The following ARMC9 variants were observed in gnomAD, a reference collection of about 807,000 sequenced individuals.
The protein encoded by ARMC9 is lisH domain-containing protein ARMC9.
A neutral mutation model predicts 107.0 loss-of-function variants in ARMC9; 94 were observed. The ratio of observed to expected loss-of-function variants is 0.88; its 90% CI spans 0.74 to 1.04. The LOEUF is 1.04. Ranked by LOEUF, ARMC9 falls within the 50% of genes least tolerant of loss-of-function variation. The pLI, the probability that ARMC9 is intolerant of heterozygous loss-of-function variation, is 0.00. For synonymous variants in ARMC9, 380 were observed against 396.9 expected, an observed-to-expected ratio of 0.96 and a Z score of 0.51; for missense variants, 942 against 1,030.1, an observed-to-expected ratio of 0.91 and a Z score of 1.17.
intron 1 of ARMC9, among the ~76,000 whole-genome samples, chr2:231,205,926 GCCTCCGTCTGCCCC>G (rs965131523): frequency 6.6e-6 from 1 of 152,142 alleles, no homozygotes; most frequent in Non-Finnish European, 1.5e-5. Context: ...TGACCCTCTT[GCCTCCGTCTGCCCC>G]CCTCCCTCTG....
intron 20 of ARMC9, among the ~76,000 whole-genome samples, chr2:231,343,193 G>A (rs1387557042): frequency 3.3e-5 from 5 of 151,896 alleles, no homozygotes; most frequent in African/African-American, 1.2e-4. Flanking sequence ...GATTACAGGT[G>A]TGAGCCACTG....
intron 10 of ARMC9, among the ~76,000 whole-genome samples, chr2:231,258,258 T>G (rs1349092459): frequency 6.6e-6 from 1 of 152,166 alleles, no homozygotes; most frequent in Non-Finnish European, 1.5e-5. Flanking sequence ...CTCGGCTCAC[T>G]GCAGCCTCTG....
chr2:231,280,445 G>A (rs549566451), intron 16 of ARMC9, among the ~76,000 whole-genome samples: 28 of 152,172 alleles, frequency 1.8e-4, no homozygotes, highest in African/African-American at 6.3e-4. Flanking sequence ...GTGACAGAGC[G>A]AGACTCTGTC....
At chr2:231,340,467 C>T (rs1168391593) in intron 20 of ARMC9, among the ~76,000 whole-genome samples, 2 of 152,176 alleles carry the variant, frequency 1.3e-5, no homozygotes, top group Non-Finnish European at 2.9e-5. Flanking sequence ...TTTTCTTGCA[C>T]ACTGATTATT....
At chr2:231,291,998 G>A (rs934132863) in intron 18 of ARMC9, among the ~76,000 whole-genome samples, 3 of 151,090 alleles carry the variant, frequency 2.0e-5, no homozygotes, top group South Asian at 2.1e-4. Flanking sequence ...GTGAAACCCC[G>A]TCTCTACTAA....
chr2:231,315,043 AGCCT>A (rs1273210590), intron 19 of ARMC9, among the ~76,000 whole-genome samples: 1 of 152,110 alleles, frequency 6.6e-6, no homozygotes, highest in African/African-American at 2.4e-5. Context: ...GTTCAAGACC[AGCCT>A]GACCAATATG....
At chr2:231,208,006 A>G in intron 2 of ARMC9, 121 bp from the exon 3 acceptor site, 2 of 562,050 alleles carry the variant, frequency 3.6e-6, no homozygotes, top group Non-Finnish European at 6.3e-6. Context: ...GCACCTTTTC[A>G]TGTATCTGTT....
intron 10 of ARMC9, among the ~76,000 whole-genome samples, chr2:231,258,363 T>A (rs1442895467): frequency 6.6e-6 from 1 of 152,042 alleles, no homozygotes; most frequent in Non-Finnish European, 1.5e-5. Flanking sequence ...GTGTTTTTAG[T>A]AGAGACGGGG....
intron 7 of ARMC9, among the ~76,000 whole-genome samples, chr2:231,234,666 C>T (rs34773809): frequency 0.12 from 17,940 of 152,040 alleles, 2,058 homozygotes; most frequent in African/African-American, 0.29. Context: ...GACAGTGGCG[C>T]GATCTTGGCT....
At chr2:231,269,524 T>A (rs966630853) in intron 12 of ARMC9, among the ~76,000 whole-genome samples, 1 of 151,332 alleles carries the variant, frequency 6.6e-6, no homozygotes, top group Non-Finnish European at 1.5e-5. Flanking sequence ...TAGCTGGGAT[T>A]ACAGGTGTGT....
intron 3 of ARMC9, among the ~76,000 whole-genome samples, chr2:231,209,136 A>G (rs1559288430): frequency 6.6e-6 from 1 of 152,004 alleles, no homozygotes; most frequent in Non-Finnish European, 1.5e-5. Context: ...TCCTGACCTC[A>G]AGTGATCCGC....
intron 19 of ARMC9, among the ~76,000 whole-genome samples, chr2:231,320,886 C>G (rs533400956): frequency 6.6e-6 from 1 of 152,188 alleles, no homozygotes; most frequent in South Asian, 2.1e-4. Context: ...CCTCTCTATA[C>G]CTGCCAGAGA....
intron 3 of ARMC9, among the ~76,000 whole-genome samples, chr2:231,214,074 T>C (rs558068875): frequency 6.6e-6 from 1 of 152,334 alleles, no homozygotes; most frequent in African/African-American, 2.4e-5. Context: ...ACATGATAAT[T>C]GCCACCTCCT....
At chr2:231,216,594 G>A (rs776412094) in intron 4 of ARMC9, 44 bp from the exon 5 acceptor site, 2 of 1,589,070 alleles carry the variant, frequency 1.3e-6, no homozygotes, top group Non-Finnish European at 8.6e-7. Flanking sequence ...GATAGACTGG[G>A]CATTGATCTG....
At position 231,239,999 on chromosome 2, in the gene ARMC9, GC is replaced by G; in HGVS notation, c.838del (p.Gln280ArgfsTer26). On this transcript the variant is annotated frameshift_variant, in exon 9 of 25. Coordinates refer to ENST00000611582, the MANE Select transcript of ARMC9 (RefSeq NM_001352754.2). LOFTEE classifies it high-confidence loss of function. ...CVRLFSNQMR[Q>X]SLAHSVDFTR... Reference sequence around the variant, plus strand: ...TCCGCCTGTTCAGTAACCAGATGCGGCAGAGCCTGGCGCATAGTGTGGACTT... The same window carrying G: ...TCCGCCTGTTCAGTAACCAGATGCGGAGAGCCTGGCGCATAGTGTGGACTT... 1 of 1,613,838 alleles carries G rather than the reference GC, an allele frequency of 6.2e-7. No individual in the cohort carries two copies. Among genetic ancestry groups the G allele is most frequent in the Non-Finnish European group, 8.5e-7 (1 of 1,179,874 alleles).
intron 9 of ARMC9, 37 bp from the exon 10 acceptor site, chr2:231,256,549 T>C: frequency 6.2e-7 from 1 of 1,610,422 alleles, no homozygotes; most frequent in Non-Finnish European, 8.5e-7. Flanking sequence ...TATCAGTGTT[T>C]AACACCATCT....
chr2:231,215,216 A>G (rs2033366647), intron 4 of ARMC9: 1 of 535,906 alleles, frequency 1.9e-6, no homozygotes, highest in South Asian at 3.6e-5. Flanking sequence ...CTGTAATCAA[A>G]GCTATATTCC....
intron 5 of ARMC9, among the ~76,000 whole-genome samples, chr2:231,218,940 C>T (rs189169693): frequency 5.8e-4 from 88 of 151,916 alleles, no homozygotes; most frequent in African/African-American, 2.1e-3. Flanking sequence ...TTAGTAGAGA[C>T]GGGGTTTCAC....
chr2:231,253,908 T>C (rs752815681), intron 9 of ARMC9, among the ~76,000 whole-genome samples: 1 of 152,110 alleles, frequency 6.6e-6, no homozygotes, highest in Non-Finnish European at 1.5e-5. Context: ...CTGAAGATGA[T>C]GTTCCTTCCA....
Sources: allele counts gnomAD v4.1 joint callset (sites outside exome capture counted in the v4.1 genomes callset), GRCh38; gene constraint gnomAD v4.1.1; transcripts MANE v1.5; gene names NCBI Gene and HGNC (gene_info 2026-07-23, HGNC 2026-07-21).